Variants in DIAPH3 observed in about 807,000 individuals in gnomAD.
DIAPH3 encodes the protein protein diaphanous homolog 3.
DIAPH3 carries 117 observed loss-of-function variants against 144.3 expected under a neutral mutation model. The ratio of observed to expected loss-of-function variants is 0.81; its 90% CI spans 0.70 to 0.95. DIAPH3 has a LOEUF of 0.95. DIAPH3 is among the 40% of genes least tolerant of loss of function. The pLI is 0.00. For synonymous variants in DIAPH3, 519 were observed against 488.9 expected (o/e 1.06, Z -0.81); for missense variants, 1,421 against 1,412.7 (o/e 1.01, Z -0.09).
At chr13:59,670,021 T>C (rs553549857) in intron 27 of DIAPH3, among the ~76,000 whole-genome samples, 22 of 152,364 alleles carry the variant, frequency 1.4e-4, no homozygotes, top group African/African-American at 4.8e-4. Flanking sequence ...TAGCATTTCC[T>C]GGGTTTTTCT....
At chr13:59,997,767 G>C (rs1420926973) in intron 9 of DIAPH3, among the ~76,000 whole-genome samples, 1 of 152,090 alleles carries the variant, frequency 6.6e-6, no homozygotes, top group Non-Finnish European at 1.5e-5. Context: ...AATAGCAAAA[G>C]TAAGTAGTTC....
chr13:59,761,175 G>A (rs4886195), intron 27 of DIAPH3, among the ~76,000 whole-genome samples: 51,974 of 151,880 alleles, frequency 0.34, 9,365 homozygotes, highest in African/African-American at 0.44. Context: ...TTACCTAGAC[G>A]AAATAACAAA....
intron 27 of DIAPH3, among the ~76,000 whole-genome samples, chr13:59,771,344 C>T (rs1259417292): frequency 5.3e-5 from 8 of 152,082 alleles, no homozygotes; most frequent in African/African-American, 1.9e-4. Context: ...ATATTTCTAA[C>T]ACAGCATAGG....
rs145483140 is a variant in DIAPH3 at position 59,840,270 on chromosome 13, T to C, written c.2738-822A>G. Among the ~76,000 whole-genome samples the C allele has an allele frequency of 2.4e-3, 372 of 152,288 alleles. 3 individuals are homozygous for C. The East Asian group carries it at 0.037, about 15-fold the overall frequency. ...GTTAAAAAAAAATCTATTGTTTTTGTTCAATGTGAACTATATAAAATGATG... is the reference window on the plus strand; with the variant it reads ...GTTAAAAAAAAATCTATTGTTTTTGCTCAATGTGAACTATATAAAATGATG... On this transcript the variant is annotated intron_variant, in intron 22 of 27. Coordinates refer to ENST00000400324, the MANE Select transcript of DIAPH3 (RefSeq NM_001042517.2).
intron 4 of DIAPH3, among the ~76,000 whole-genome samples, chr13:60,045,235 G>A (rs1173969428): frequency 1.3e-5 from 2 of 152,044 alleles, no homozygotes; most frequent in Non-Finnish European, 2.9e-5. Flanking sequence ...AGCTATTCAG[G>A]AGGCTGAGGC....
At chr13:60,134,129 A>G (rs1292448685) in intron 1 of DIAPH3, among the ~76,000 whole-genome samples, 2 of 152,196 alleles carry the variant, frequency 1.3e-5, no homozygotes, top group African/African-American at 4.8e-5. Context: ...AGTGCAAAGG[A>G]AAGAAGGTAA....
chr13:59,768,611 T>C (rs1249260435), intron 27 of DIAPH3, among the ~76,000 whole-genome samples: 3 of 152,100 alleles, frequency 2.0e-5, no homozygotes, highest in Non-Finnish European at 4.4e-5. Context: ...ATATGAAGTT[T>C]TGATATATCA....
intron 25 of DIAPH3, among the ~76,000 whole-genome samples, chr13:59,798,503 G>C (rs1252325150): frequency 6.6e-6 from 1 of 152,152 alleles, no homozygotes; most frequent in Non-Finnish European, 1.5e-5. Context: ...TTAGCCCATT[G>C]GATGCCCAGG....
intron 27 of DIAPH3, among the ~76,000 whole-genome samples, chr13:59,753,612 A>C (rs1344051565): frequency 6.6e-6 from 1 of 152,176 alleles, no homozygotes; most frequent in Non-Finnish European, 1.5e-5. Flanking sequence ...TATACTTGTC[A>C]CTTACAGTGA....
At chr13:59,998,400 G>T (rs1357892613) in intron 9 of DIAPH3, among the ~76,000 whole-genome samples, 1 of 151,996 alleles carries the variant, frequency 6.6e-6, no homozygotes, top group Non-Finnish European at 1.5e-5. Flanking sequence ...TAAGGGCAGA[G>T]GTGTATTTCA....
At chr13:59,766,978 G>A (rs1439428744) in intron 27 of DIAPH3, among the ~76,000 whole-genome samples, 1 of 152,054 alleles carries the variant, frequency 6.6e-6, no homozygotes, top group Non-Finnish European at 1.5e-5. Flanking sequence ...TGTGGCTTTG[G>A]TGACTATTCT....
intron 20 of DIAPH3, among the ~76,000 whole-genome samples, chr13:59,895,021 G>T (rs1458913774): frequency 6.6e-6 from 1 of 152,044 alleles, no homozygotes; most frequent in East Asian, 1.9e-4. Flanking sequence ...CCTAATGACA[G>T]TTTCAGCATA....
rs1430861215 is a variant in DIAPH3 at position 59,970,955 on chromosome 13, A to G, written c.1856T>C (p.Leu619Pro). The G allele has an allele frequency of 2.5e-6, 4 of 1,613,696 alleles. No individual in the cohort carries two copies. Among genetic ancestry groups the G allele is most frequent in the South Asian group, 1.1e-5 (1 of 91,080 alleles). Reference sequence around the variant, plus strand: ...TAGAGGAGGAGAATTTTGTCCTCCAAGGAATCCCAGGGGAGGTGGTGGAGG... The same window carrying G: ...TAGAGGAGGAGAATTTTGTCCTCCAGGGAATCCCAGGGGAGGTGGTGGAGG... The part of the protein sequence containing the change: ...PVPPPPPLGF[L>P]GGQNSPPLPI... Residue 619 changes from leucine (L) to proline (P), a missense_variant, in exon 16 of 28, where the codon CTT (leucine) becomes CCT (proline). Physicochemically the swap from Leu to Pro is moderately conservative, Grantham distance 98. Transcript: ENST00000400324.
intron 27 of DIAPH3, among the ~76,000 whole-genome samples, chr13:59,756,150 A>G (rs1055642283): frequency 1.3e-5 from 2 of 152,186 alleles, no homozygotes; most frequent in African/African-American, 4.8e-5. Context: ...GTATTTTGAC[A>G]AGACCACAGG....
intron 2 of DIAPH3, among the ~76,000 whole-genome samples, chr13:60,114,272 G>GAAA (rs200853127): frequency 1.4e-5 from 2 of 140,754 alleles, no homozygotes. Flanking sequence ...CACAGATTAA[G>GAAA]AAAAAAAAAA....
chr13:60,109,496 GAA>G (rs2058510054), intron 3 of DIAPH3, among the ~76,000 whole-genome samples: 1 of 151,180 alleles, frequency 6.6e-6, no homozygotes, highest in Non-Finnish European at 1.5e-5. Flanking sequence ...CAAGATGGAG[GAA>G]AAGAGGCCAA....
chr13:60,124,342 G>A (rs1193998253), intron 2 of DIAPH3, among the ~76,000 whole-genome samples: 1 of 152,150 alleles, frequency 6.6e-6, no homozygotes, highest in Non-Finnish European at 1.5e-5. Context: ...GTTGTTCTGA[G>A]ATATGTGAAG....
At chr13:59,853,639 C>A (rs1486661990) in intron 22 of DIAPH3, among the ~76,000 whole-genome samples, 8 of 152,256 alleles carry the variant, frequency 5.3e-5, no homozygotes, top group Admixed American at 5.2e-4. Context: ...GCCACTTAAA[C>A]CACTTTTCTT....
chr13:59,749,932 A>G (rs1050419974), intron 27 of DIAPH3, among the ~76,000 whole-genome samples: 1 of 152,208 alleles, frequency 6.6e-6, no homozygotes, highest in Admixed American at 6.5e-5. Context: ...ATCTCCCTGG[A>G]AAGAGCAGGA....
Sources: allele counts gnomAD v4.1 joint callset (sites outside exome capture counted in the v4.1 genomes callset), GRCh38; gene constraint gnomAD v4.1.1; transcripts MANE v1.5; gene names NCBI Gene and HGNC (gene_info 2026-07-23, HGNC 2026-07-21).